SCEL: variants seen among roughly 807,000 people sequenced by gnomAD.
The protein encoded by SCEL is sciellin.
In SCEL, 113 loss-of-function variants were observed where a neutral mutation model predicts 117.6. That is an observed-to-expected ratio of 0.96 (90% CI 0.83 to 1.12). The LOEUF is 1.12. SCEL is among the 50% of genes most tolerant of loss of function. The probability of loss-of-function intolerance (pLI) is 0.00; values close to 1 mark genes in which losing one functional copy is unlikely to be tolerated. For synonymous variants in SCEL, 270 were observed against 256.2 expected (o/e 1.05, Z -0.51); for missense variants, 785 against 810.8 (o/e 0.97, Z 0.39).
chr13:77,561,053 T>A (rs1367943563), intron 4 of SCEL, among the ~76,000 whole-genome samples: 1 of 152,230 alleles, frequency 6.6e-6, no homozygotes, highest in Non-Finnish European at 1.5e-5. Context: ...TCTGATTTAC[T>A]GTTCTGTGAT....
intron 1 of SCEL, among the ~76,000 whole-genome samples, chr13:77,550,954 C>A (rs2084283477): frequency 6.6e-6 from 1 of 152,180 alleles, no homozygotes; most frequent in Non-Finnish European, 1.5e-5. Flanking sequence ...AGCACTTGAC[C>A]AGAGCTCATG....
At chr13:77,585,167 G>A (rs893372740) in intron 9 of SCEL, among the ~76,000 whole-genome samples, 1 of 152,156 alleles carries the variant, frequency 6.6e-6, no homozygotes, top group Admixed American at 6.5e-5. Flanking sequence ...CCTAGTACTT[G>A]GGATATAGCT....
chr13:77,545,724 T>C (rs2083951969), intron 1 of SCEL, among the ~76,000 whole-genome samples: 1 of 152,046 alleles, frequency 6.6e-6, no homozygotes, highest in South Asian at 2.1e-4. Context: ...ACATGGACAA[T>C]GGGTCCTAAG....
At chr13:77,558,027 A>G (rs1191015500) in intron 3 of SCEL, among the ~76,000 whole-genome samples, 1 of 152,222 alleles carries the variant, frequency 6.6e-6, no homozygotes, top group East Asian at 1.9e-4. Flanking sequence ...CTATTGGACA[A>G]CAATCATTTC....
At chr13:77,578,881 G>T (rs761580045) in intron 9 of SCEL, among the ~76,000 whole-genome samples, 2 of 152,126 alleles carry the variant, frequency 1.3e-5, no homozygotes, top group African/African-American at 4.8e-5. Context: ...CAGGTAAAAG[G>T]CAGGTTCCAA....
chr13:77,559,097 G>A (rs1038902335), intron 3 of SCEL, among the ~76,000 whole-genome samples: 1 of 152,128 alleles, frequency 6.6e-6, no homozygotes, highest in Admixed American at 6.5e-5. Context: ...GCAATGATTT[G>A]GAATGAAAAT....
intron 4 of SCEL, among the ~76,000 whole-genome samples, chr13:77,560,940 C>T (rs956288452): frequency 6.6e-6 from 1 of 152,078 alleles, no homozygotes; most frequent in Admixed American, 6.5e-5. Flanking sequence ...TTCTGTCAAC[C>T]CTTTTAAACT....
intron 24 of SCEL, 119 bp from the exon 25 acceptor site, chr13:77,617,480 T>C: frequency 1.7e-6 from 1 of 593,088 alleles, no homozygotes; most frequent in South Asian, 2.5e-5. Context: ...ACGTATTTCA[T>C]AGTTAGTCAA....
Position 77,593,298 on chromosome 13 carries a change from C to CGCGCGCGTCTG in SCEL, c.693-216_693-215insGCGCGCGTCTG, listed in dbSNP as rs1195863187. ...TGTGTGTGTGTGTGTGTGTGTGTGT[C>CGCGCGCGTCTG]TGTGTGTGTGTGTGTGTGTGTCAGT... On this transcript the variant is annotated intron_variant, in intron 11 of 32. Transcript: ENST00000349847. 1.3e-3 allele frequency among the ~76,000 whole-genome samples: 97 copies of CGCGCGCGTCTG among 73,742 alleles called. 1 individual carries two copies. The East Asian group carries it at 0.016, about 12-fold the overall frequency. The allele number at this position is 73,742 out of a possible 152,430, so 48.4% of individuals were successfully genotyped here.
chr13:77,536,779 C>T (rs1442081966), intron 1 of SCEL, among the ~76,000 whole-genome samples: 2 of 152,184 alleles, frequency 1.3e-5, no homozygotes, highest in Non-Finnish European at 2.9e-5. Flanking sequence ...GCATACCTGG[C>T]TCTATCTGTA....
chr13:77,554,759 C>T (rs779177583), intron 1 of SCEL, among the ~76,000 whole-genome samples: 6 of 152,112 alleles, frequency 3.9e-5, no homozygotes, highest in East Asian at 1.9e-4. Flanking sequence ...AGACGTTGAA[C>T]GTGATAAAGA....
chr13:77,614,679 T>C (rs2088896866), intron 24 of SCEL, among the ~76,000 whole-genome samples: 1 of 152,118 alleles, frequency 6.6e-6, no homozygotes, highest in Non-Finnish European at 1.5e-5. Context: ...GGCCCAGTAG[T>C]TTGAATAATT....
At chr13:77,587,417 G>A (rs572140029) in intron 9 of SCEL, among the ~76,000 whole-genome samples, 1 of 151,866 alleles carries the variant, frequency 6.6e-6, no homozygotes, top group Admixed American at 6.6e-5. Flanking sequence ...AACCTTCCTC[G>A]ATCCATCAGC....
chr13:77,613,161 G>C (rs2088788214), intron 23 of SCEL, among the ~76,000 whole-genome samples: 1 of 151,838 alleles, frequency 6.6e-6, no homozygotes, highest in Admixed American at 6.6e-5. Flanking sequence ...CTAATTCTGT[G>C]TAATTACTAC....
chr13:77,538,259 C>T (rs908759015), intron 1 of SCEL, among the ~76,000 whole-genome samples: 8 of 151,764 alleles, frequency 5.3e-5, no homozygotes, highest in East Asian at 3.9e-4. Context: ...TGGGAGTACA[C>T]GTGTGCACCA....
At chr13:77,627,707 C>T (rs932475998) in intron 27 of SCEL, among the ~76,000 whole-genome samples, 1 of 151,958 alleles carries the variant, frequency 6.6e-6, no homozygotes, top group African/African-American at 2.4e-5. Flanking sequence ...GATCAGATTT[C>T]CCAAACCTTC....
At chr13:77,597,680 C>G in intron 13 of SCEL, 91 bp downstream of exon 13, 1 of 596,372 alleles carries the variant, frequency 1.7e-6, no homozygotes, top group Non-Finnish European at 2.9e-6. Context: ...GACCCACATA[C>G]CAGGGTAGTC....
chr13:77,608,181 G>T lies in SCEL; in HGVS notation c.1217+66G>T, dbSNP rs1205834322. 6 of 1,304,390 alleles carry T rather than the reference G, an allele frequency of 4.6e-6. No homozygotes were observed. The East Asian group carries it at 1.4e-4, about 31-fold the overall frequency. The allele number at this position is 1,304,390 out of a possible 1,614,324, so 80.8% of individuals were successfully genotyped here. ...TCCATTTGTGGCACTCAGGAAAGAA[G>T]ATGTGTTGAAAAACCTTTGGATTGG... On this transcript the variant is annotated intron_variant, in intron 20 of 32. Transcript: ENST00000349847.
Position 77,599,705 on chromosome 13 carries a change from A to C in SCEL, c.874A>C (p.Ser292Arg). 6.2e-7 allele frequency: 1 copy of C among 1,612,202 alleles called. No homozygotes were observed. The highest frequency in any genetic ancestry group is 8.5e-7 in the Non-Finnish European group (1 of 1,178,190). ...TGTTTTCAGAGCCAAAAGCCTTGAA[A>C]GTCTCATCTATATGAGTACCCGGAC... ...EREKRAKSLE[S>R]LIYMSTRTDK... Residue 292 changes from serine to arginine, a missense_variant, in exon 15 of 33, where the codon AGT (serine) becomes CGT (arginine). By Grantham distance (110) the Ser-to-Arg change is moderately radical (BLOSUM62 -1). Transcript: ENST00000349847.
Sources: allele counts gnomAD v4.1 joint callset (sites outside exome capture counted in the v4.1 genomes callset), GRCh38; gene constraint gnomAD v4.1.1; transcripts MANE v1.5; gene names NCBI Gene and HGNC (gene_info 2026-07-23, HGNC 2026-07-21).